The following SRCIN1 variants were observed in gnomAD, a reference collection of about 807,000 sequenced individuals.
The protein encoded by SRCIN1 is SRC kinase signaling inhibitor 1.
A neutral mutation model predicts 116.2 loss-of-function variants in SRCIN1; 50 were observed. That is an observed-to-expected ratio of 0.43 (90% CI 0.34 to 0.54). The LOEUF (loss-of-function observed/expected upper bound fraction) is 0.54, where lower values mean the gene tolerates loss of function less well. SRCIN1 is among the 20% of genes least tolerant of loss of function. SRCIN1 has a pLI of 0.02. For missense variants in SRCIN1, 1,446 were observed against 1,672.0 expected, an observed-to-expected ratio of 0.86 and a Z score of 2.36; for synonymous variants, 736 against 750.0, an observed-to-expected ratio of 0.98 and a Z score of 0.30.
chr17:38,559,692 C>T lies in SRCIN1; in HGVS notation c.1918G>A (p.Gly640Ser), dbSNP rs1265321903. ...AGCCGGCTAACGGCGGTAGGCTGAC[C>T]TGCGGGGGTGCTGCTGGCCGAGGGC... ...PPPSASSTPA[G>S]QPTAVSRLQM... The change falls in exon 10 of 19, where the codon GGT becomes AGT. Residue 640 changes from glycine (G) to serine (S), a missense_variant. Around this residue, in one of 5 missense-constraint regions of SRCIN1, gnomAD observed 398 missense variants for 385.6 expected, o/e 1.03. Transcript: ENST00000617146. 7 of 1,593,716 alleles carry T rather than the reference C, an allele frequency of 4.4e-6. No homozygotes were observed. Among genetic ancestry groups the T allele is most frequent in the African/African-American group, 1.3e-5 (1 of 74,576 alleles).
chr17:38,578,327 T>C (rs1907544720), intron 2 of SRCIN1, among the ~76,000 whole-genome samples, 163 bp downstream of exon 2: 2 of 152,158 alleles, frequency 1.3e-5, no homozygotes, highest in African/African-American at 4.8e-5. Context: ...CCAGAGCCAC[T>C]GCCCTGGAGG....
intron 2 of SRCIN1, among the ~76,000 whole-genome samples, chr17:38,574,567 G>A (rs907688013): frequency 1.9e-4 from 29 of 152,254 alleles, no homozygotes; most frequent in African/African-American, 6.7e-4. Context: ...AACCCACAGA[G>A]CAAGGTCAGG....
chr17:38,577,285 G>A (rs1307107432), intron 2 of SRCIN1, among the ~76,000 whole-genome samples: 6 of 152,174 alleles, frequency 3.9e-5, no homozygotes, highest in African/African-American at 1.4e-4. Flanking sequence ...GTGCACACAG[G>A]AGGAACCCAA....
In SRCIN1 at chr17:38,531,219, G is replaced by A. The variant is rs905538468; in HGVS notation, c.*2078C>T. 52 of 152,070 alleles carry A rather than the reference G, an allele frequency of 3.4e-4. No homozygotes were observed. Among genetic ancestry groups the A allele is most frequent in the African/African-American group, 7.0e-4 (29 of 41,392 alleles). The allele number at this position is 152,070 out of a possible 1,614,324, so 9.4% of individuals were successfully genotyped here. A position where few individuals can be genotyped will look rare whatever the true frequency, so the allele number is the denominator to read the frequency against. On this transcript the variant is annotated 3_prime_UTR_variant, in exon 19 of 19. Transcript: ENST00000617146. ...GAAGTAGCAAGCAGAGAGTAATGGA[G>A]TGGAGGGAGGAGGGGGCACCACTCC...
At position 38,560,035 on chromosome 17, in the gene SRCIN1, G is replaced by A; in HGVS notation, c.1837+19C>T. ...AGGCTCGGAGAGAACAAGGATGGGG[G>A]AGGGGGAGGTTCACTCACGTGCTGA... On this transcript the variant is annotated intron_variant, in intron 9 of 18. Transcript: ENST00000617146. 1 of 1,529,218 alleles carries A rather than the reference G, an allele frequency of 6.5e-7. No homozygotes were observed. Among genetic ancestry groups the A allele is most frequent in the Non-Finnish European group, 8.9e-7 (1 of 1,124,684 alleles). The allele number at this position is 1,529,218 out of a possible 1,614,324, so 94.7% of individuals were successfully genotyped here. A position where few individuals can be genotyped will look rare whatever the true frequency, so the allele number is the denominator to read the frequency against.
rs1249658316 is a variant in SRCIN1 at position 38,530,445 on chromosome 17, G to A, written c.*2852C>T. On this transcript the variant is annotated 3_prime_UTR_variant, in exon 19 of 19. Coordinates refer to ENST00000617146, the MANE Select transcript of SRCIN1 (RefSeq NM_025248.3). Reference sequence around the variant, plus strand: ...TACAGGGGTCCCCCGAGACGTCTTAGTTTTCTCTTGGTCAAGCACACACTG... The same window carrying A: ...TACAGGGGTCCCCCGAGACGTCTTAATTTTCTCTTGGTCAAGCACACACTG... 6.5e-6 allele frequency: 1 copy of A among 153,194 alleles called. No homozygotes were observed. Among genetic ancestry groups the A allele is most frequent in the Non-Finnish European group, 1.5e-5 (1 of 68,862 alleles). The allele number at this position is 153,194 out of a possible 1,614,324, so 9.5% of individuals were successfully genotyped here. A position where few individuals can be genotyped will look rare whatever the true frequency, so the allele number is the denominator to read the frequency against.
chr17:38,556,461 C>T (rs1268450872), intron 11 of SRCIN1, among the ~76,000 whole-genome samples: 1 of 152,220 alleles, frequency 6.6e-6, no homozygotes, highest in Non-Finnish European at 1.5e-5. Context: ...GAAACAGAAC[C>T]AGTTTTAACT....
chr17:38,535,629 C>T (rs898255152), intron 18 of SRCIN1, among the ~76,000 whole-genome samples: 4 of 152,152 alleles, frequency 2.6e-5, no homozygotes, highest in Admixed American at 2.6e-4. Context: ...CAGGCATGGC[C>T]CCTGCCCTCT....
intron 18 of SRCIN1, among the ~76,000 whole-genome samples, chr17:38,533,664 G>A (rs1236247282): frequency 2.7e-5 from 4 of 150,568 alleles, no homozygotes; most frequent in Admixed American, 2.0e-4. Context: ...GTGGTCAGAG[G>A]GCAGGCCCAT....
At chr17:38,535,127 G>GT (rs969300592) in intron 18 of SRCIN1, among the ~76,000 whole-genome samples, 1 of 142,718 alleles carries the variant, frequency 7.0e-6, no homozygotes, top group Non-Finnish European at 1.5e-5. Context: ...ATGAGGCCCT[G>GT]TTTTTTTGTT....
chr17:38,551,244 G>T lies in SRCIN1; in HGVS notation c.2873C>A (p.Pro958Gln). The change falls in exon 15 of 19, where the codon CCG (proline) becomes CAG (glutamine). Residue 958 changes from proline (P) to glutamine (Q), a missense_variant. By Grantham distance (76) the Pro-to-Gln change is moderately conservative. This residue lies in a region of SRCIN1 where 531 missense variants were observed against 633.9 expected (regional missense o/e 0.84). Coordinates refer to ENST00000617146, the MANE Select transcript of SRCIN1 (RefSeq NM_025248.3). ...GGGCTTGTGATCTGGAGTGGGGGCCGGGCCTGGATGGGCCTTGCTGGCACA... is the reference window on the plus strand; with the variant it reads ...GGGCTTGTGATCTGGAGTGGGGGCCTGGCCTGGATGGGCCTTGCTGGCACA... ...LDCASKAHPGPAPTPDHKPPK... is the reference protein window; with the variant it reads ...LDCASKAHPGQAPTPDHKPPK... The T allele has an allele frequency of 6.2e-7, 1 of 1,611,550 alleles. No individual in the cohort carries two copies. The highest frequency in any genetic ancestry group is 2.2e-5 in the East Asian group (1 of 44,866).
rs1437875622 is a variant in SRCIN1, at chr17:38,552,584, C to G, written c.2343G>C (p.Pro781=). 3 of 1,611,710 alleles carry G rather than the reference C, an allele frequency of 1.9e-6. No individual in the cohort carries two copies. Among genetic ancestry groups the G allele is most frequent in the East Asian group, 4.5e-5 (2 of 44,762 alleles). Residue 781 remains proline (P), a synonymous_variant, in exon 13 of 19, where the codon CCG becomes CCC. Coordinates refer to ENST00000617146, the MANE Select transcript of SRCIN1 (RefSeq NM_025248.3). This position sits in a 1 kb window ranked among gnomAD's most constrained non-coding sequence, Gnocchi z 5.3. ...ETLTELKAHF[P]GLQSKMRVVL... is the part of the protein sequence containing the mutation. ...CCACCCGCATCTTGCTCTGCAGGCC[C>G]GGGAAGTGAGCTGAGGAGACAGGAA...
At chr17:38,583,148 C>G (rs1227593925) in intron 1 of SRCIN1, among the ~76,000 whole-genome samples, 1 of 152,134 alleles carries the variant, frequency 6.6e-6, no homozygotes, top group Non-Finnish European at 1.5e-5. Context: ...TGGCTCAGTG[C>G]AGCCTCAACC....
intron 1 of SRCIN1, among the ~76,000 whole-genome samples, chr17:38,594,860 C>T (rs2429992): frequency 0.051 from 7,828 of 152,180 alleles, 426 homozygotes; most frequent in South Asian, 0.14. Context: ...TGCCCATACA[C>T]CCTCCTCCAG....
At chr17:38,605,596 G>A (rs1039404293) in intron 1 of SRCIN1, 88 bp downstream of exon 1, 4 of 1,116,022 alleles carry the variant, frequency 3.6e-6, no homozygotes, top group African/African-American at 3.5e-5. Flanking sequence ...CCCCGCCCCC[G>A]GCCGAGGGGG....
chr17:38,601,662 G>A (rs199679405), intron 1 of SRCIN1, among the ~76,000 whole-genome samples: 20 of 149,940 alleles, frequency 1.3e-4, no homozygotes, highest in African/African-American at 4.9e-4. Context: ...ACGCTCGCGC[G>A]CACACACACA....
chr17:38,547,755 T>C lies in SRCIN1; in HGVS notation c.3270+802A>G, dbSNP rs534560835. On this transcript the variant is annotated intron_variant, in intron 17 of 18. Transcript: ENST00000617146. The stretch of plus-strand genomic sequence containing the variant: ...GCTGTGAGAAGTGGCAGCAGCCCCG[T>C]TACCTTCCGTGTAGGGCCTGGGGCT... 1.6e-4 allele frequency: 51 copies of C among 322,794 alleles called. 1 individual carries two copies. The highest frequency in any genetic ancestry group is 4.3e-5 in the Non-Finnish European group (7 of 163,318). 20.0% of individuals were successfully genotyped at this position (322,794 alleles called of 1,614,324 possible).
intron 1 of SRCIN1, among the ~76,000 whole-genome samples, chr17:38,584,487 G>A (rs1287004662): frequency 1.3e-5 from 2 of 152,264 alleles, no homozygotes; most frequent in African/African-American, 2.4e-5. Flanking sequence ...AACGCGGAAG[G>A]TGAAAGTGGC....
intron 1 of SRCIN1, among the ~76,000 whole-genome samples, chr17:38,592,828 G>C (rs939731494): frequency 1.3e-5 from 2 of 151,962 alleles, no homozygotes; most frequent in African/African-American, 2.4e-5. Flanking sequence ...TTTTTTGTTG[G>C]GGGGGTTGGG....
Sources: allele counts gnomAD v4.1 joint callset (sites outside exome capture counted in the v4.1 genomes callset), GRCh38; gene constraint gnomAD v4.1.1; regional missense constraint gnomAD v4.1.1; non-coding constraint Gnocchi (gnomAD v3.1); transcripts MANE v1.5; gene names NCBI Gene and HGNC (gene_info 2026-07-23, HGNC 2026-07-21).